SOS1: variants seen among roughly 807,000 people sequenced by gnomAD.
SOS1 encodes the protein son of sevenless homolog 1.
In SOS1, 25 loss-of-function variants were observed where a neutral mutation model predicts 157.6. The observed-to-expected ratio is 0.16, with a 90% confidence interval of 0.12 to 0.22. The LOEUF is 0.22. SOS1 is among the 10% of genes least tolerant of loss of function. SOS1 has a pLI of 1.00. For missense variants in SOS1, 1,237 were observed against 1,599.1 expected (o/e 0.77, Z 3.86); for synonymous variants, 528 against 534.0 (o/e 0.99, Z 0.16).
chr2:39,058,552 T>C lies in SOS1; in HGVS notation c.345+121A>G, dbSNP rs921812167. ...TCACCACATAAATCTCTGGAAAACTTAGAATGAGAGAATTTTACTCTTAAG... is the reference window on the plus strand; with the variant it reads ...TCACCACATAAATCTCTGGAAAACTCAGAATGAGAGAATTTTACTCTTAAG... On this transcript the variant is annotated intron_variant, in intron 3 of 22. Transcript: ENST00000402219. The C allele has an allele frequency of 2.8e-5, 29 of 1,053,892 alleles. 1 individual carries two copies. The Admixed American group carries it at 4.9e-4, about 18-fold the overall frequency. The allele number at this position is 1,053,892 out of a possible 1,614,324, so 65.3% of individuals were successfully genotyped here. A position where few individuals can be genotyped will look rare whatever the true frequency, so the allele number is the denominator to read the frequency against.
intron 14 of SOS1, among the ~76,000 whole-genome samples, chr2:39,011,757 C>T (rs1376785546): frequency 1.3e-5 from 2 of 152,170 alleles, no homozygotes; most frequent in Non-Finnish European, 2.9e-5. Context: ...TATTGACTTG[C>T]AAACCTCAAA....
At position 39,007,373 on chromosome 2, in the gene SOS1, C is replaced by CTGCTCTTTCCCGTCTTCTAGACTGGTACA. The variant is rs1453200993; in HGVS notation, c.2511-209_2511-181dup. 8.0e-5 allele frequency: 48 copies of CTGCTCTTTCCCGTCTTCTAGACTGGTACA among 599,098 alleles called. No homozygotes were observed. In the East Asian group the frequency reaches 9.0e-4, roughly 11 times the overall value. 37.1% of individuals were successfully genotyped at this position (599,098 alleles called of 1,614,324 possible). ...AAGGCAGTGCCTCCAGTCAGGCATA[C>CTGCTCTTTCCCGTCTTCTAGACTGGTACA]TGCTCTTTCCCGTCTTCTAGACTGG... On this transcript the variant is annotated intron_variant, in intron 15 of 22. Coordinates refer to ENST00000402219, the MANE Select transcript of SOS1 (RefSeq NM_005633.4).
chr2:39,097,121 G>A (rs567045097), intron 1 of SOS1, among the ~76,000 whole-genome samples: 15 of 152,188 alleles, frequency 9.9e-5, no homozygotes, highest in African/African-American at 3.1e-4. Context: ...AAATTCATGA[G>A]GATCTGACAG....
chr2:39,039,384 C>T (rs568567114), intron 6 of SOS1, among the ~76,000 whole-genome samples: 1 of 152,224 alleles, frequency 6.6e-6, no homozygotes, highest in African/African-American at 2.4e-5. Flanking sequence ...GTGATTATAT[C>T]GATTTATATA....
chr2:39,020,909 ACT>A (rs1189282342), intron 10 of SOS1, among the ~76,000 whole-genome samples: 1 of 151,048 alleles, frequency 6.6e-6, no homozygotes, highest in Non-Finnish European at 1.5e-5. Context: ...ATATCAAAAA[ACT>A]TAGCCACAAC....
intron 17 of SOS1, among the ~76,000 whole-genome samples, chr2:39,003,837 C>G (rs1669192332): frequency 6.6e-6 from 1 of 152,164 alleles, no homozygotes; most frequent in Non-Finnish European, 1.5e-5. Flanking sequence ...CAGGGTTTCT[C>G]TGTCTCAGCA....
At chr2:39,016,914 A>G (rs901944879) in intron 10 of SOS1, among the ~76,000 whole-genome samples, 7 of 152,110 alleles carry the variant, frequency 4.6e-5, no homozygotes, top group Non-Finnish European at 1.0e-4. Flanking sequence ...AAGGCAAGCT[A>G]TTTCTAAACA....
intron 6 of SOS1, among the ~76,000 whole-genome samples, chr2:39,045,987 C>T (rs948284080): frequency 1.3e-5 from 2 of 152,222 alleles, no homozygotes; most frequent in Non-Finnish European, 2.9e-5. Context: ...GCTGGAATTA[C>T]AGGCATGAGC....
At chr2:39,034,729 C>T (rs1434031456) in intron 8 of SOS1, 3 of 450,706 alleles carry the variant, frequency 6.7e-6, no homozygotes, top group African/African-American at 2.0e-5. Context: ...CAGTTTAATA[C>T]AGATAGTTGC....
chr2:39,075,085 A>G (rs1296565091), intron 1 of SOS1, among the ~76,000 whole-genome samples: 1 of 152,138 alleles, frequency 6.6e-6, no homozygotes, highest in Non-Finnish European at 1.5e-5. Flanking sequence ...GCTGAAGTCA[A>G]AAATGTCAGT....
chr2:39,108,110 G>A (rs550786819), intron 1 of SOS1, among the ~76,000 whole-genome samples: 1 of 152,126 alleles, frequency 6.6e-6, no homozygotes, highest in East Asian at 1.9e-4. Flanking sequence ...AGAAACCTGG[G>A]AATCCTCTCA....
At chr2:39,001,808 AT>A (rs1389704733) in intron 17 of SOS1, among the ~76,000 whole-genome samples, 1 of 152,202 alleles carries the variant, frequency 6.6e-6, no homozygotes, top group Non-Finnish European at 1.5e-5. Flanking sequence ...TCAGTTGTAG[AT>A]AAACTACCTT....
At chr2:39,109,599 A>G (rs1673336431) in intron 1 of SOS1, among the ~76,000 whole-genome samples, 1 of 152,146 alleles carries the variant, frequency 6.6e-6, no homozygotes, top group African/African-American at 2.4e-5. Flanking sequence ...AAGGCAACAC[A>G]CTGGAATATA....
At chr2:39,120,308 G>T in intron 1 of SOS1, 28 bp downstream of exon 1, 1 of 1,551,946 alleles carries the variant, frequency 6.4e-7, no homozygotes, top group East Asian at 2.4e-5. Flanking sequence ...GGCTGCGGCC[G>T]GGAAGCGGGG....
chr2:39,087,421 A>G (rs1357926511), intron 1 of SOS1, among the ~76,000 whole-genome samples: 1 of 152,220 alleles, frequency 6.6e-6, no homozygotes, highest in East Asian at 1.9e-4. Context: ...TGATTAACTT[A>G]GTAATTTTAC....
chr2:39,069,666 G>A (rs1671731717), intron 1 of SOS1, among the ~76,000 whole-genome samples: 1 of 151,820 alleles, frequency 6.6e-6, no homozygotes, highest in Admixed American at 6.6e-5. Context: ...TCCTGCCTCC[G>A]CCTCCCTAGT....
At chr2:39,121,271 G>C (rs535254514), upstream of SOS1, among the ~76,000 whole-genome samples, 1 of 152,272 alleles carries the variant, frequency 6.6e-6, no homozygotes, top group Non-Finnish European at 1.5e-5. Context: ...AGGGTAAAGA[G>C]GCTCCCCATT....
intron 14 of SOS1, 80 bp from the exon 15 acceptor site, chr2:39,010,783 T>G: frequency 8.6e-7 from 1 of 1,163,526 alleles, no homozygotes; most frequent in Non-Finnish European, 1.3e-6. Context: ...AGGAGACAAA[T>G]AAAAACTAAA....
chr2:39,004,175 G>A (rs1669206295), intron 17 of SOS1, among the ~76,000 whole-genome samples: 1 of 152,054 alleles, frequency 6.6e-6, no homozygotes, highest in Non-Finnish European at 1.5e-5. Context: ...CAGCACTTTG[G>A]GAGGCCAAGG....
Sources: gnomAD v4.1 joint callset for allele counts (sites outside exome capture counted in the v4.1 genomes callset) on GRCh38, gnomAD v4.1.1 for gene constraint, MANE v1.5 for transcripts, NCBI Gene and HGNC (gene_info 2026-07-23, HGNC 2026-07-21) for gene names.